Variants in SLC35F4 observed in about 807,000 individuals in gnomAD.
SLC35F4 encodes chromosome 14 open reading frame 36.
In SLC35F4, 24 loss-of-function variants were observed where a neutral mutation model predicts 44.2. The observed-to-expected ratio is 0.54, with a 90% CI of 0.39 to 0.76. The LOEUF is 0.76. Ranked by LOEUF, SLC35F4 falls within the 30% of genes least tolerant of loss-of-function variation. The pLI, the probability that SLC35F4 is intolerant of heterozygous loss-of-function variation, is 0.00. For synonymous variants in SLC35F4, 238 were observed against 223.6 expected (o/e 1.06, Z -0.57); for missense variants, 562 against 586.1 (o/e 0.96, Z 0.42).
chr14:57,837,097 C>T (rs1885006485), intron 1 of SLC35F4, among the ~76,000 whole-genome samples: 1 of 152,150 alleles, frequency 6.6e-6, no homozygotes, highest in Admixed American at 6.5e-5. Context: ...TGGTCTTCCA[C>T]TTATACATCC....
chr14:57,885,349 A>G (rs1888623739), intron 1 of SLC35F4, among the ~76,000 whole-genome samples: 1 of 152,166 alleles, frequency 6.6e-6, no homozygotes, highest in Non-Finnish European at 1.5e-5. Flanking sequence ...AAGTTTTCCT[A>G]TGGAAGAAGC....
At chr14:57,793,398 C>A (rs1053194171) in intron 1 of SLC35F4, among the ~76,000 whole-genome samples, 16 of 151,954 alleles carry the variant, frequency 1.1e-4, no homozygotes, top group African/African-American at 3.6e-4. Flanking sequence ...CACACTCTTA[C>A]CCTTCTACCT....
intron 1 of SLC35F4, among the ~76,000 whole-genome samples, chr14:57,859,960 G>C (rs1201963168): frequency 6.6e-6 from 1 of 152,138 alleles, no homozygotes; most frequent in Non-Finnish European, 1.5e-5. Context: ...AGGACATTCA[G>C]GTAGAATGTT....
chr14:57,630,638 G>A, intron 1 of SLC35F4: 2 of 734,296 alleles, frequency 2.7e-6, no homozygotes, highest in Middle Eastern at 5.6e-4. Context: ...CTATGTTTAG[G>A]TCAAAATCGG....
intron 1 of SLC35F4, among the ~76,000 whole-genome samples, chr14:57,700,770 T>C (rs2075517228): frequency 6.6e-6 from 1 of 151,926 alleles, no homozygotes; most frequent in Admixed American, 6.6e-5. Context: ...CCAGGCATAG[T>C]GGTGTACACC....
chr14:57,656,533 C>T (rs1000330488), intron 1 of SLC35F4, among the ~76,000 whole-genome samples: 3 of 152,008 alleles, frequency 2.0e-5, no homozygotes, highest in African/African-American at 7.2e-5. Context: ...CAGAGTTCTA[C>T]CAGAAATCTC....
intron 1 of SLC35F4, among the ~76,000 whole-genome samples, chr14:57,893,317 A>T (rs1270544186): frequency 6.6e-6 from 1 of 152,214 alleles, no homozygotes; most frequent in Admixed American, 6.5e-5. Context: ...TACATTAAGC[A>T]TGTACTATCT....
At chr14:57,965,749 G>A (rs1890427553) in intron 1 of SLC35F4, among the ~76,000 whole-genome samples, 1 of 152,204 alleles carries the variant, frequency 6.6e-6, no homozygotes, top group Admixed American at 6.5e-5. Context: ...TGCTTAATGT[G>A]AGGAGGTGGG....
At chr14:57,637,399 C>A (rs1485365000) in intron 1 of SLC35F4, among the ~76,000 whole-genome samples, 1 of 152,100 alleles carries the variant, frequency 6.6e-6, no homozygotes, top group African/African-American at 2.4e-5. Flanking sequence ...GTCTCCTAAC[C>A]CCATCTGTAA....
chr14:57,728,634 G>A (rs2076272197), intron 1 of SLC35F4, among the ~76,000 whole-genome samples: 1 of 151,590 alleles, frequency 6.6e-6, no homozygotes, highest in South Asian at 2.1e-4. Flanking sequence ...ATTTTTAGGA[G>A]AGACAGGATT....
intron 1 of SLC35F4, among the ~76,000 whole-genome samples, chr14:57,873,566 A>G (rs569352620): frequency 6.6e-6 from 1 of 152,332 alleles, no homozygotes; most frequent in Non-Finnish European, 1.5e-5. Flanking sequence ...AAAAAATCAG[A>G]ATTCTAGATT....
At chr14:57,870,148 G>GTT (rs1225102687), upstream of SLC35F4, among the ~76,000 whole-genome samples, 1 of 143,054 alleles carries the variant, frequency 7.0e-6, no homozygotes, top group Non-Finnish European at 1.5e-5. Flanking sequence ...GTGTGTGTGT[G>GTT]TGTGTGTGTC....
At chr14:57,638,472 T>C (rs1387259460) in intron 1 of SLC35F4, among the ~76,000 whole-genome samples, 1 of 152,248 alleles carries the variant, frequency 6.6e-6, no homozygotes, top group East Asian at 1.9e-4. Flanking sequence ...TTGTAAGCTG[T>C]TGAATACATA....
intron 1 of SLC35F4, among the ~76,000 whole-genome samples, chr14:57,961,455 C>T (rs540321600): frequency 2.6e-5 from 4 of 152,282 alleles, no homozygotes; most frequent in Middle Eastern, 3.4e-3. Flanking sequence ...AAGTCACACT[C>T]CTTAGGTCTT....
intron 5 of SLC35F4, 76 bp from the exon 6 acceptor site, chr14:57,570,056 T>C: frequency 7.4e-7 from 1 of 1,354,868 alleles, no homozygotes. Flanking sequence ...TGTTCCATAC[T>C]GTGAGCTAAC....
intron 1 of SLC35F4, among the ~76,000 whole-genome samples, chr14:57,645,631 T>C (rs1446440496): frequency 6.6e-6 from 1 of 151,364 alleles, no homozygotes; most frequent in Non-Finnish European, 1.5e-5. Context: ...TCCTGCCTGA[T>C]TGCCCTGACC....
intron 1 of SLC35F4, chr14:57,604,126 A>G (rs2071006192): frequency 6.6e-6 from 1 of 152,272 alleles, no homozygotes; most frequent in South Asian, 2.1e-4. Context: ...TTGATTCCCA[A>G]CTGAGGGTAG....
At chr14:57,826,151 G>T (rs543910573) in intron 1 of SLC35F4, among the ~76,000 whole-genome samples, 1 of 152,190 alleles carries the variant, frequency 6.6e-6, no homozygotes, top group East Asian at 1.9e-4. Context: ...GCATGGTACT[G>T]GTACAAAAAC....
intron 1 of SLC35F4, among the ~76,000 whole-genome samples, chr14:57,662,538 G>A (rs2074170670): frequency 1.3e-5 from 2 of 152,088 alleles, no homozygotes; most frequent in South Asian, 4.2e-4. Flanking sequence ...CTTTTTACAT[G>A]CCAACTTCCC....
Sources: gnomAD v4.1 joint callset for allele counts (sites outside exome capture counted in the v4.1 genomes callset) on GRCh38, gnomAD v4.1.1 for gene constraint, MANE v1.5 for transcripts, NCBI Gene and HGNC (gene_info 2026-07-23, HGNC 2026-07-21) for gene names.